The following BPIFA3 variants were observed in gnomAD, a reference collection of about 807,000 sequenced individuals.
The protein encoded by BPIFA3 is BPI fold containing family A member 3.
In BPIFA3, 32 loss-of-function variants were observed where a neutral mutation model predicts 29.7. The observed-to-expected ratio is 1.08, with a 90% CI of 0.81 to 1.45. BPIFA3 has a LOEUF of 1.45. Ranked by LOEUF, BPIFA3 falls within the 40% of genes most tolerant of loss-of-function variation. The pLI, the probability that BPIFA3 is intolerant of heterozygous loss-of-function variation, is 0.00. For synonymous variants in BPIFA3, 112 were observed against 113.7 expected, an observed-to-expected ratio of 0.98 and a Z score of 0.10; for missense variants, 323 against 311.3, an observed-to-expected ratio of 1.04 and a Z score of -0.28.
chr20:33,219,166 A>G (rs939308764), intron 1 of BPIFA3, among the ~76,000 whole-genome samples: 1 of 152,108 alleles, frequency 6.6e-6, no homozygotes, highest in East Asian at 1.9e-4. Flanking sequence ...CGGCCTCCCA[A>G]AGTGCTGGCA....
chr20:33,226,366 A>G, intron 4 of BPIFA3, 40 bp from the exon 5 acceptor site: 1 of 1,438,818 alleles, frequency 7.0e-7, no homozygotes, highest in Non-Finnish European at 9.8e-7. Flanking sequence ...TATTGCCTGG[A>G]TTGCTCTGTT....
rs17124442 is a variant in BPIFA3, at chr20:33,226,755, G to T, written c.622-175G>T. On this transcript the variant is annotated intron_variant, in intron 5 of 6. Coordinates refer to ENST00000375454, the MANE Select transcript of BPIFA3 (RefSeq NM_178466.5). ...TGATGAGGATTTGTGGAGACAAAGCGTCGAAGTGTTGTGCATGACACTGAG... is the reference window on the plus strand; with the variant it reads ...TGATGAGGATTTGTGGAGACAAAGCTTCGAAGTGTTGTGCATGACACTGAG... 13,877 of 683,538 alleles carry T rather than the reference G, an allele frequency of 0.02. 1,454 individuals are homozygous for T. The African/African-American group carries it at 0.22, about 11-fold the overall frequency. 42.3% of individuals were successfully genotyped at this position (683,538 alleles called of 1,614,324 possible). A position where few individuals can be genotyped will look rare whatever the true frequency, so the allele number is the denominator to read the frequency against.
chr20:33,224,825 G>T (rs1985701018), intron 3 of BPIFA3, among the ~76,000 whole-genome samples: 1 of 152,184 alleles, frequency 6.6e-6, no homozygotes, highest in South Asian at 2.1e-4. Flanking sequence ...GGAGGATGCA[G>T]CTAAATGGGA....
intron 1 of BPIFA3, among the ~76,000 whole-genome samples, chr20:33,221,493 G>T (rs1229260992): frequency 6.6e-6 from 1 of 152,218 alleles, no homozygotes. Context: ...TAGGATCTTA[G>T]CAAACTTTTC....
chr20:33,221,050 T>C (rs1985487166), intron 1 of BPIFA3, among the ~76,000 whole-genome samples: 1 of 152,234 alleles, frequency 6.6e-6, no homozygotes, highest in Non-Finnish European at 1.5e-5. Context: ...ATCACTTTTT[T>C]CCTCCAACCT....
At chr20:33,219,441 G>A (rs1985410898) in intron 1 of BPIFA3, among the ~76,000 whole-genome samples, 2 of 152,120 alleles carry the variant, frequency 1.3e-5, no homozygotes, top group Non-Finnish European at 2.9e-5. Flanking sequence ...TATAGTTTGT[G>A]TTTGGAAAGT....
chr20:33,223,866 C>T lies in BPIFA3; in HGVS notation c.183C>T (p.His61=), dbSNP rs1240178745. ...HNAESRIQNI[H]FGDRLNASAQ... is the part of the protein sequence containing the mutation. ...CAGAAAGCCGAATTCAGAACATCCA[C>T]TTTGGGGACAGACTGAATGCCTCAG... The change falls in exon 2 of 7, where the codon CAC becomes CAT. Residue 61 remains histidine, a synonymous_variant. Transcript: ENST00000375454. The T allele has an allele frequency of 6.2e-6, 10 of 1,614,104 alleles. No homozygotes were observed. The highest frequency in any genetic ancestry group is 8.5e-6 in the Non-Finnish European group (10 of 1,180,032).
At chr20:33,224,548 A>C (rs1344258449) in intron 3 of BPIFA3, 86 bp downstream of exon 3, 10 of 1,198,874 alleles carry the variant, frequency 8.3e-6, no homozygotes, top group Non-Finnish European at 9.8e-6. Context: ...ATCCCAACCT[A>C]AATTCAAATC....
At chr20:33,226,153 G>A in intron 4 of BPIFA3, 1 of 409,232 alleles carries the variant, frequency 2.4e-6, no homozygotes, top group Non-Finnish European at 4.3e-6. Context: ...ACATTCATGG[G>A]AGGACGGTGT....
chr20:33,224,277 GC>G, intron 2 of BPIFA3, 77 bp from the exon 3 acceptor site: 3 of 1,183,592 alleles, frequency 2.5e-6, no homozygotes, highest in Non-Finnish European at 3.7e-6. Flanking sequence ...TAGTCGGACA[GC>G]CTTGTTTCTC....
chr20:33,226,856 T>A, intron 5 of BPIFA3, 74 bp from the exon 6 acceptor site: 1 of 1,589,472 alleles, frequency 6.3e-7, no homozygotes, highest in Non-Finnish European at 8.6e-7. Context: ...GGAGTTGAAG[T>A]TTCCTGCCAC....
rs6141374 is a variant in BPIFA3 at position 33,221,009 on chromosome 20, T to C, written c.128-2802T>C. Among the ~76,000 whole-genome samples the C allele has an allele frequency of 3.0e-3, 459 of 152,354 alleles. 12 individuals carry two copies. The East Asian group carries it at 0.075, about 25-fold the overall frequency. ...CTTACTCATAAGTCAGTATTGACCTTTAACAAATGTTTCTCTGCATCTAAA... is the reference window on the plus strand; with the variant it reads ...CTTACTCATAAGTCAGTATTGACCTCTAACAAATGTTTCTCTGCATCTAAA... On this transcript the variant is annotated intron_variant, in intron 1 of 6. Transcript: ENST00000375454.
chr20:33,225,042 TAC>T (rs2146488191), intron 3 of BPIFA3, 54 bp from the exon 4 acceptor site: 4 of 1,547,896 alleles, frequency 2.6e-6, no homozygotes, highest in Non-Finnish European at 2.7e-6. Context: ...CGGAGATTTC[TAC>T]TCTTTCTCTA....
intron 6 of BPIFA3, 116 bp downstream of exon 6, chr20:33,227,109 G>C: frequency 2.3e-6 from 2 of 859,580 alleles, no homozygotes; most frequent in South Asian, 2.8e-5. Flanking sequence ...CATGTGCCGT[G>C]AGAACACTTT....
chr20:33,223,716 A>T, intron 1 of BPIFA3, 95 bp from the exon 2 acceptor site: 3 of 1,405,706 alleles, frequency 2.1e-6, no homozygotes, highest in South Asian at 1.3e-5. Flanking sequence ...AAGCAATCAG[A>T]TCTTGCACCA....
Position 33,225,245 on chromosome 20 carries a change from T to C in BPIFA3, c.534T>C (p.Thr178=), listed in dbSNP as rs978746404. 1.2e-6 allele frequency: 2 copies of C among 1,613,470 alleles called. No individual in the cohort carries two copies. The highest frequency in any genetic ancestry group is 1.7e-5 in the Admixed American group (1 of 59,998). The stretch of plus-strand genomic sequence containing the variant: ...GCAGTGTCCATGTGGCCATCCTCAC[T>C]GAGTAAGACCCCAGCTGCCCCTCCC... ...EPSSVHVAIL[T]EAIPPKMNQF... Residue 178 remains threonine (T), a splice_region_variant and synonymous_variant, in exon 4 of 7, where the codon ACT becomes ACC. Transcript: ENST00000375454.
chr20:33,226,945 G>A lies in BPIFA3; in HGVS notation c.637G>A (p.Gly213Ser), dbSNP rs527737570. Residue 213 changes from glycine to serine, a missense_variant, in exon 6 of 7, where the codon GGT becomes AGT. Transcript: ENST00000375454. Reference sequence around the variant, plus strand: ...GATGGTCCAGGTATGTCCTCTGATCGGTGAAATCCTCGGGCAGCTGGATGT... The same window carrying A: ...GATGGTCCAGGTATGTCCTCTGATCAGTGAAATCCTCGGGCAGCTGGATGT... ...MVESQVCPLI[G>S]EILGQLDVKL... is the part of the protein sequence containing the mutation. The A allele has an allele frequency of 2.1e-5, 34 of 1,614,078 alleles. No homozygotes were observed. The highest frequency in any genetic ancestry group is 1.4e-4 in the South Asian group (13 of 91,074).
chr20:33,220,315 G>A (rs903935829), intron 1 of BPIFA3, among the ~76,000 whole-genome samples: 6 of 150,686 alleles, frequency 4.0e-5, no homozygotes, highest in Admixed American at 6.6e-5. Context: ...GGAGAATGAC[G>A]TGAACCCGGG....
chr20:33,222,159 G>A (rs1985542027), intron 1 of BPIFA3, among the ~76,000 whole-genome samples: 1 of 152,244 alleles, frequency 6.6e-6, no homozygotes, highest in Admixed American at 6.5e-5. Context: ...GATAGGACAA[G>A]CTCCAGGTTT....
Sources: allele counts gnomAD v4.1 joint callset (sites outside exome capture counted in the v4.1 genomes callset), GRCh38; gene constraint gnomAD v4.1.1; transcripts MANE v1.5; gene names NCBI Gene and HGNC (gene_info 2026-07-23, HGNC 2026-07-21).